Variants in DYNC1I1 observed in about 807,000 individuals in gnomAD.
DYNC1I1 encodes dynein cytoplasmic 1 intermediate chain 1.
DYNC1I1 carries 43 observed loss-of-function variants against 86.6 expected under a neutral mutation model. The ratio of observed to expected loss-of-function variants is 0.50; its 90% CI spans 0.39 to 0.64. The LOEUF is 0.64. Ranked by LOEUF, DYNC1I1 falls within the 30% of genes least tolerant of loss-of-function variation. The probability of loss-of-function intolerance (pLI) is 0.00; values close to 1 mark genes in which losing one functional copy is unlikely to be tolerated. For synonymous variants in DYNC1I1, 262 were observed against 283.7 expected (o/e 0.92, Z 0.77); for missense variants, 604 against 788.8 (o/e 0.77, Z 2.81).
At chr7:96,082,046 A>T (rs903528513) in intron 16 of DYNC1I1, among the ~76,000 whole-genome samples, 1 of 152,180 alleles carries the variant, frequency 6.6e-6, no homozygotes, top group African/African-American at 2.4e-5. Flanking sequence ...AGTGGTGAAG[A>T]TGCAAATGGT....
intron 10 of DYNC1I1, among the ~76,000 whole-genome samples, chr7:96,007,603 G>GA (rs1386904730): frequency 1.3e-5 from 2 of 152,180 alleles, no homozygotes; most frequent in Non-Finnish European, 2.9e-5. Context: ...CAGGAGAAAT[G>GA]AAAGTGTAGA....
At chr7:95,820,836 C>A (rs1210895251) in intron 4 of DYNC1I1, among the ~76,000 whole-genome samples, 1 of 152,240 alleles carries the variant, frequency 6.6e-6, no homozygotes, top group African/African-American at 2.4e-5. Context: ...CCTCGGCCTC[C>A]CAAAGCTCTG....
At chr7:96,050,030 C>A (rs796827068) in intron 14 of DYNC1I1, among the ~76,000 whole-genome samples, 2,127 of 140,868 alleles carry the variant, frequency 0.015, 81 homozygotes, top group African/African-American at 0.052. Context: ...TCAAAAAAAA[C>A]AAACAAACAA....
intron 1 of DYNC1I1, among the ~76,000 whole-genome samples, chr7:95,781,448 C>A (rs949591945): frequency 4.6e-5 from 7 of 151,994 alleles, no homozygotes; most frequent in Non-Finnish European, 8.8e-5. Flanking sequence ...AAATTAGAGA[C>A]CTTAAAGTAG....
intron 14 of DYNC1I1, among the ~76,000 whole-genome samples, chr7:96,074,392 A>G (rs1790264982): frequency 6.6e-6 from 1 of 152,044 alleles, no homozygotes; most frequent in South Asian, 2.1e-4. Context: ...TACTAAAAAT[A>G]CAAAAAAAAG....
chr7:95,960,479 G>A lies in DYNC1I1; in HGVS notation c.491-17033G>A, dbSNP rs368370947. Among the ~76,000 whole-genome samples the A allele has an allele frequency of 9.9e-5, 15 of 152,276 alleles. No homozygotes were observed. The South Asian group carries it at 2.7e-3, about 27-fold the overall frequency. ...TCAGAATGCTGACATCAACAGACAG[G>A]GATGACCTACCAGTGTAGGAAGGCA... On this transcript the variant is annotated intron_variant, in intron 6 of 16. Coordinates refer to ENST00000447467, the MANE Select transcript of DYNC1I1 (RefSeq NM_001135556.2).
intron 5 of DYNC1I1, among the ~76,000 whole-genome samples, chr7:95,841,972 C>G (rs4146532): frequency 0.39 from 59,062 of 152,084 alleles, 11,724 homozygotes; most frequent in East Asian, 0.58. Context: ...GTGCTGGGCC[C>G]CATTGGCTTC....
At chr7:95,991,910 G>C (rs1386715612) in intron 9 of DYNC1I1, among the ~76,000 whole-genome samples, 1 of 152,072 alleles carries the variant, frequency 6.6e-6, no homozygotes, top group Admixed American at 6.6e-5. Flanking sequence ...ACCCTAGCTG[G>C]AGTGCAGTGG....
At chr7:95,933,450 G>A (rs1459059648) in intron 6 of DYNC1I1, among the ~76,000 whole-genome samples, 1 of 152,150 alleles carries the variant, frequency 6.6e-6, no homozygotes, top group East Asian at 1.9e-4. Flanking sequence ...GGGTTAATCA[G>A]ATACAGAAAC....
At chr7:96,015,201 A>G (rs1794371266) in intron 10 of DYNC1I1, among the ~76,000 whole-genome samples, 1 of 152,208 alleles carries the variant, frequency 6.6e-6, no homozygotes, top group Non-Finnish European at 1.5e-5. Flanking sequence ...TATATGAAGC[A>G]AAATGTTGCT....
chr7:95,894,856 T>C (rs969537134), intron 6 of DYNC1I1, among the ~76,000 whole-genome samples: 16 of 152,208 alleles, frequency 1.1e-4, no homozygotes, highest in African/African-American at 3.9e-4. Flanking sequence ...CAGGTGAATA[T>C]GGCAGTTGAG....
At chr7:96,026,879 GAGACACACCC>G (rs972314992) in intron 10 of DYNC1I1, among the ~76,000 whole-genome samples, 8 of 151,682 alleles carry the variant, frequency 5.3e-5, no homozygotes, top group African/African-American at 1.9e-4. Context: ...CTCACACACA[GAGACACACCC>G]ACACACTCCA....
chr7:95,895,847 A>T (rs980885444), intron 6 of DYNC1I1, among the ~76,000 whole-genome samples: 1 of 152,198 alleles, frequency 6.6e-6, no homozygotes, highest in African/African-American at 2.4e-5. Context: ...GTTTGCACCA[A>T]GCTAATAGTA....
chr7:95,801,847 C>G (rs577928512), intron 1 of DYNC1I1, among the ~76,000 whole-genome samples: 1 of 152,298 alleles, frequency 6.6e-6, no homozygotes, highest in Non-Finnish European at 1.5e-5. Context: ...TTGTGAAGTT[C>G]TGCGACTTCT....
intron 16 of DYNC1I1, among the ~76,000 whole-genome samples, chr7:96,106,791 C>A (rs937411470): frequency 2.6e-5 from 4 of 152,054 alleles, no homozygotes; most frequent in Non-Finnish European, 4.4e-5. Flanking sequence ...TATGAAATAA[C>A]CTGTATTTCA....
chr7:95,897,396 C>T (rs1329914691), intron 6 of DYNC1I1, among the ~76,000 whole-genome samples: 1 of 152,080 alleles, frequency 6.6e-6, no homozygotes, highest in Non-Finnish European at 1.5e-5. Context: ...TCTCCCTGCC[C>T]CCCAGACAGT....
At position 95,870,006 on chromosome 7, in the gene DYNC1I1, A is replaced by T. The variant is rs762351980; in HGVS notation, c.490+8A>T. 6.2e-7 allele frequency: 1 copy of T among 1,605,764 alleles called. No homozygotes were observed. The highest frequency in any genetic ancestry group is 1.3e-5 in the African/African-American group (1 of 74,622). ...CCACGCATCAGTCTGAAGGTAAACT[A>T]TGTCTTTGGCTTACTTTCCATATTA... On this transcript the variant is annotated splice_region_variant and intron_variant, in intron 6 of 16. Coordinates refer to ENST00000447467, the MANE Select transcript of DYNC1I1 (RefSeq NM_001135556.2).
chr7:95,990,434 C>G (rs558219652), intron 9 of DYNC1I1, among the ~76,000 whole-genome samples: 26 of 152,236 alleles, frequency 1.7e-4, no homozygotes, highest in Admixed American at 1.6e-3. Context: ...AAAAAGATTA[C>G]TATTGACACC....
intron 6 of DYNC1I1, among the ~76,000 whole-genome samples, chr7:95,977,255 C>A (rs1793329475): frequency 6.6e-6 from 1 of 152,126 alleles, no homozygotes; most frequent in South Asian, 2.1e-4. Context: ...GTGGTGAGGG[C>A]CTGGAGCTGG....
Sources: allele counts gnomAD v4.1 joint callset (sites outside exome capture counted in the v4.1 genomes callset), GRCh38; gene constraint gnomAD v4.1.1; transcripts MANE v1.5; gene names NCBI Gene and HGNC (gene_info 2026-07-23, HGNC 2026-07-21).